Variants in ZNF512 observed in about 807,000 individuals in gnomAD.
ZNF512 encodes zinc finger protein 512.
A neutral mutation model predicts 77.5 loss-of-function variants in ZNF512; 25 were observed. That is an observed-to-expected ratio of 0.32 (90% confidence interval 0.23 to 0.45). The LOEUF (loss-of-function observed/expected upper bound fraction) is 0.45, where lower values mean the gene tolerates loss of function less well. ZNF512 is among the 20% of genes least tolerant of loss of function. ZNF512 has a pLI of 1.00. For synonymous variants in ZNF512, 246 were observed against 239.9 expected (o/e 1.03, Z -0.24); for missense variants, 483 against 692.6 (o/e 0.70, Z 3.40).
intron 10 of ZNF512, among the ~76,000 whole-genome samples, chr2:27,610,460 TTATATATG>T (rs112427483): frequency 0.22 from 29,565 of 136,454 alleles, 3,494 homozygotes; most frequent in East Asian, 0.31. Context: ...ATCAAATAGG[TTATATATG>T]TGTATATGTG....
Position 27,583,070 on chromosome 2 carries a change from G to T in ZNF512, c.-43G>T, listed in dbSNP as rs376008166. On this transcript the variant is annotated 5_prime_UTR_variant, in exon 1 of 14. Transcript: ENST00000355467. ...GGAGAGCGGAAGTGGCGTTGGTCTG[G>T]CCGGAGCCCTTGGGTGAAATTGTTA... 1 of 1,613,808 alleles carries T rather than the reference G, an allele frequency of 6.2e-7. No homozygotes were observed. The highest frequency in any genetic ancestry group is 2.2e-5 in the East Asian group (1 of 44,868).
chr2:27,584,863 T>TA lies in ZNF512; in HGVS notation c.89+1148dup, dbSNP rs1484071753. The stretch of plus-strand genomic sequence containing the variant: ...AGGGGCTAGACCATGGAGGACCTGT[T>TA]ACGGCATGCTAAAGTGTTTGGATTT... On this transcript the variant is annotated intron_variant, in intron 2 of 13. Transcript: ENST00000355467. 2.6e-5 allele frequency among the ~76,000 whole-genome samples: 4 copies of TA among 152,292 alleles called. No individual in the cohort carries two copies. In the East Asian group the frequency reaches 5.8e-4, roughly 22 times the overall value.
intron 10 of ZNF512, among the ~76,000 whole-genome samples, chr2:27,611,595 T>C (rs1230126673): frequency 1.3e-5 from 2 of 152,178 alleles, no homozygotes; most frequent in Non-Finnish European, 2.9e-5. Flanking sequence ...CCATTTGTAA[T>C]TAGTGGATAT....
chr2:27,597,821 A>C (rs550218963), intron 2 of ZNF512, among the ~76,000 whole-genome samples: 1 of 152,232 alleles, frequency 6.6e-6, no homozygotes, highest in Non-Finnish European at 1.5e-5. Flanking sequence ...AGGAATGTCT[A>C]CTTGGGCTGC....
rs1671581258 is a variant in ZNF512 at position 27,591,594 on chromosome 2, A to G, written c.90-6473A>G. 2.0e-5 allele frequency among the ~76,000 whole-genome samples: 3 copies of G among 152,160 alleles called. No homozygotes were observed. In the South Asian group the frequency reaches 6.2e-4, roughly 32 times the overall value. ...CACGCCCAGCTTTTGTATTTTTAGT[A>G]GAGATGGGGTTTCACCATGTTGGCC... On this transcript the variant is annotated intron_variant, in intron 2 of 13. Transcript: ENST00000355467.
intron 6 of ZNF512, 62 bp from the exon 7 acceptor site, chr2:27,601,294 A>C: frequency 8.2e-7 from 1 of 1,225,602 alleles, no homozygotes; most frequent in Non-Finnish European, 1.2e-6. Context: ...TTTGAGTCGG[A>C]CTTCATGACA....
At chr2:27,611,245 A>G (rs1381128764) in intron 10 of ZNF512, among the ~76,000 whole-genome samples, 7 of 152,148 alleles carry the variant, frequency 4.6e-5, no homozygotes, top group Non-Finnish European at 1.0e-4. Context: ...AGGATACCAC[A>G]TTTTATTTCA....
chr2:27,602,563 T>G lies in ZNF512; in HGVS notation c.768+2T>G. 1 of 1,610,488 alleles carries G rather than the reference T, an allele frequency of 6.2e-7. No individual in the cohort carries two copies. Among genetic ancestry groups the G allele is most frequent in the Non-Finnish European group, 8.5e-7 (1 of 1,178,966 alleles). ...GGAAAGCTCAGGTGCATGCGTGAGG[T>G]AAGGGCCCAAGGACAGCAATTCCTT... is the stretch of plus-strand genomic sequence containing the variant. On this transcript the variant is annotated splice_donor_variant, in intron 8 of 13. Transcript: ENST00000355467. LOFTEE classifies it high-confidence loss of function.
chr2:27,610,374 A>G (rs184716501), intron 10 of ZNF512, among the ~76,000 whole-genome samples: 1 of 147,742 alleles, frequency 6.8e-6, no homozygotes, highest in Non-Finnish European at 1.5e-5. Flanking sequence ...AAAAAAAAAA[A>G]AAATAAATAA....
intron 10 of ZNF512, among the ~76,000 whole-genome samples, chr2:27,613,315 G>A (rs1032699164): frequency 6.6e-6 from 1 of 151,940 alleles, no homozygotes; most frequent in Non-Finnish European, 1.5e-5. Flanking sequence ...GGCCAACATG[G>A]TGAAACCCTG....
intron 9 of ZNF512, among the ~76,000 whole-genome samples, chr2:27,603,590 A>ATATATATATT (rs1553352045): frequency 1.2e-5 from 1 of 85,676 alleles, no homozygotes; most frequent in African/African-American, 4.8e-5. Context: ...GTGTGTGTAT[A>ATATATATATT]TTTTTTTTTT....
At chr2:27,616,216 G>A in intron 11 of ZNF512, 46 bp from the exon 12 acceptor site, 1 of 1,438,092 alleles carries the variant, frequency 7.0e-7, no homozygotes, top group Non-Finnish European at 9.8e-7. Context: ...GTTCAGAGAA[G>A]GGAGCTATTT....
At chr2:27,617,281 C>T in intron 12 of ZNF512, 192 bp from the exon 13 acceptor site, 1 of 549,292 alleles carries the variant, frequency 1.8e-6, no homozygotes, top group Non-Finnish European at 3.3e-6. Flanking sequence ...CAGAATTGCA[C>T]TAGGATGGAT....
intron 2 of ZNF512, among the ~76,000 whole-genome samples, chr2:27,592,163 G>A (rs1423113097): frequency 2.7e-5 from 4 of 150,272 alleles, no homozygotes; most frequent in African/African-American, 9.8e-5. Context: ...CTAATTTTTT[G>A]TATTTTTAAT....
At chr2:27,593,628 A>G (rs928545243) in intron 2 of ZNF512, among the ~76,000 whole-genome samples, 1 of 152,174 alleles carries the variant, frequency 6.6e-6, no homozygotes, top group Admixed American at 6.5e-5. Flanking sequence ...AAACAAAACA[A>G]AAAGATGTAT....
At chr2:27,594,761 T>A (rs2148011848) in intron 2 of ZNF512, among the ~76,000 whole-genome samples, 1 of 152,094 alleles carries the variant, frequency 6.6e-6, no homozygotes, top group Middle Eastern at 3.4e-3. Flanking sequence ...TCTTAGCACT[T>A]TGGGAGGCCA....
At chr2:27,599,841 T>C (rs1672037272) in intron 4 of ZNF512, 129 bp from the exon 5 acceptor site, 1 of 1,225,858 alleles carries the variant, frequency 8.2e-7, no homozygotes. Context: ...TACCCTTTCA[T>C]TCTGTCCTGA....
In ZNF512 at chr2:27,598,084, C is replaced by A. The variant is rs140055958; in HGVS notation, c.107C>A (p.Ser36Tyr). 2.5e-6 allele frequency: 4 copies of A among 1,588,736 alleles called. No homozygotes were observed. In the African/African-American group the frequency reaches 5.4e-5, roughly 21 times the overall value. The part of the protein sequence containing the change: ...VGAKNSRTQC[S>Y]IKDNSFQYTI... ...TGTATTAGTAGCAGGACCCAGTGCT[C>A]CATAAAGGATAATAGTTTCCAGTAC... Residue 36 changes from serine to tyrosine, a missense_variant, in exon 3 of 14, where the codon TCC becomes TAC. By Grantham distance (144) the Ser-to-Tyr change is moderately radical. Transcript: ENST00000355467.
chr2:27,620,541 A>C (rs1418043511), intron 13 of ZNF512, among the ~76,000 whole-genome samples: 1 of 152,150 alleles, frequency 6.6e-6, no homozygotes, highest in Non-Finnish European at 1.5e-5. Flanking sequence ...GGAGTCTTGC[A>C]GTGGGGCAGA....
Sources: allele counts gnomAD v4.1 joint callset (sites outside exome capture counted in the v4.1 genomes callset), GRCh38; gene constraint gnomAD v4.1.1; transcripts MANE v1.5; gene names NCBI Gene and HGNC (gene_info 2026-07-23, HGNC 2026-07-21).